Variants in ZNF385D observed in about 807,000 individuals in gnomAD.
The protein encoded by ZNF385D is zinc finger protein 385D.
Under a neutral mutation model 35.8 loss-of-function variants are expected in ZNF385D, and 15 were observed. That is an observed-to-expected ratio of 0.42 (90% CI 0.28 to 0.64). The LOEUF (loss-of-function observed/expected upper bound fraction) is 0.64. Ranked by LOEUF, ZNF385D falls within the 30% of genes least tolerant of loss-of-function variation. ZNF385D has a pLI of 0.23. For missense variants in ZNF385D, 474 were observed against 494.6 expected (o/e 0.96, Z 0.39); for synonymous variants, 212 against 186.8 (o/e 1.13, Z -1.10).
chr3:21,843,011 C>T (rs1375127727), intron 3 of ZNF385D, among the ~76,000 whole-genome samples: 1 of 151,908 alleles, frequency 6.6e-6, no homozygotes, highest in Admixed American at 6.6e-5. Context: ...AAAGCTTGGT[C>T]CTTATTTGAA....
At chr3:21,693,278 G>A (rs913605403) in intron 1 of ZNF385D, among the ~76,000 whole-genome samples, 11 of 152,292 alleles carry the variant, frequency 7.2e-5, no homozygotes, top group African/African-American at 2.4e-4. Context: ...CTGTGTCTGA[G>A]TGGAAGCTTC....
chr3:22,331,015 T>A (rs1201603515), intron 2 of ZNF385D, among the ~76,000 whole-genome samples: 3 of 152,222 alleles, frequency 2.0e-5, no homozygotes, highest in Non-Finnish European at 4.4e-5. Flanking sequence ...ATCAGGTATA[T>A]GTGTGTACAT....
At chr3:22,090,502 C>G (rs911592441) in intron 3 of ZNF385D, among the ~76,000 whole-genome samples, 1 of 150,672 alleles carries the variant, frequency 6.6e-6, no homozygotes, top group Non-Finnish European at 1.5e-5. Context: ...TGAGCTCTTA[C>G]AGAGAAAAAA....
chr3:22,350,678 ATTTC>A (rs1695874313), intron 2 of ZNF385D, among the ~76,000 whole-genome samples: 2 of 151,644 alleles, frequency 1.3e-5, no homozygotes, highest in Admixed American at 6.6e-5. Flanking sequence ...AAGATAATGT[ATTTC>A]TTTTTTTTGT....
At chr3:21,651,375 C>G (rs1042684513) in intron 2 of ZNF385D, among the ~76,000 whole-genome samples, 3 of 149,452 alleles carry the variant, frequency 2.0e-5, no homozygotes, top group African/African-American at 7.4e-5. Context: ...TGTTCTGACT[C>G]AGGTTATTTT....
At chr3:21,891,481 C>T (rs879878430) in intron 3 of ZNF385D, among the ~76,000 whole-genome samples, 3 of 152,122 alleles carry the variant, frequency 2.0e-5, no homozygotes, top group Non-Finnish European at 4.4e-5. Context: ...TGTCACACAC[C>T]TCATTATATG....
At chr3:21,468,122 G>T (rs1703633656) in intron 4 of ZNF385D, among the ~76,000 whole-genome samples, 1 of 151,928 alleles carries the variant, frequency 6.6e-6, no homozygotes, top group African/African-American at 2.4e-5. Context: ...GTAGTATATG[G>T]AGCCAGGTGT....
chr3:21,888,215 G>T (rs913197507), intron 3 of ZNF385D, among the ~76,000 whole-genome samples: 1 of 152,078 alleles, frequency 6.6e-6, no homozygotes, highest in African/African-American at 2.4e-5. Flanking sequence ...TCATTAGGTG[G>T]TTAAATAACT....
chr3:22,072,802 G>A (rs1463731156), intron 3 of ZNF385D, among the ~76,000 whole-genome samples: 1 of 151,880 alleles, frequency 6.6e-6, no homozygotes, highest in African/African-American at 2.4e-5. Flanking sequence ...GAAGAAATAA[G>A]GAAACAGAAC....
chr3:21,787,944 CAAAAAAAAAAAAAAAAAAAAAAAAA>C (rs560982379), intron 3 of ZNF385D, among the ~76,000 whole-genome samples: 1 of 75,388 alleles, frequency 1.3e-5, no homozygotes, highest in South Asian at 5.8e-4. Context: ...TTCGTCTCAA[CAAAAAAAAAAAAAAAAAAAAAAAAA>C]AAAAAAAAAA....
chr3:21,456,280 C>T (rs56104209), intron 4 of ZNF385D, among the ~76,000 whole-genome samples: 42,150 of 152,008 alleles, frequency 0.28, 6,479 homozygotes, highest in East Asian at 0.43. Flanking sequence ...TAAAGACACA[C>T]GCACATGTAT....
chr3:21,463,038 A>T (rs1192490877), intron 4 of ZNF385D, among the ~76,000 whole-genome samples: 1 of 152,176 alleles, frequency 6.6e-6, no homozygotes, highest in African/African-American at 2.4e-5. Flanking sequence ...ATACCAAAAA[A>T]AATAAAAACT....
chr3:22,136,302 C>A (rs960974524), intron 3 of ZNF385D, among the ~76,000 whole-genome samples: 1 of 152,180 alleles, frequency 6.6e-6, no homozygotes, highest in Admixed American at 6.5e-5. Context: ...GTACGAGAAT[C>A]GCTTGAACCT....
chr3:22,327,170 C>G (rs745897498), intron 2 of ZNF385D, among the ~76,000 whole-genome samples: 4 of 151,882 alleles, frequency 2.6e-5, no homozygotes, highest in Non-Finnish European at 5.9e-5. Context: ...ACCACCCTTA[C>G]TAATTTGCAA....
chr3:22,355,147 G>A (rs147785806), intron 2 of ZNF385D, among the ~76,000 whole-genome samples: 5 of 152,108 alleles, frequency 3.3e-5, no homozygotes, highest in Non-Finnish European at 7.4e-5. Flanking sequence ...TTGTTGGAAT[G>A]CATTTTCGTT....
At chr3:22,178,134 C>G (rs535417640) in intron 2 of ZNF385D, among the ~76,000 whole-genome samples, 121 of 152,192 alleles carry the variant, frequency 8.0e-4, no homozygotes, top group East Asian at 1.9e-3. Context: ...GGTATTTCTA[C>G]TTCTAGATCC....
rs554599647 is a variant in ZNF385D, at chr3:22,008,578, G to T, written c.325+160239C>A. ...TCACCGTGTTAGCCAGCATGGTCTCGATCTCCTGACCTCGTGATCCGCCCA... is the reference window on the plus strand; with the variant it reads ...TCACCGTGTTAGCCAGCATGGTCTCTATCTCCTGACCTCGTGATCCGCCCA... On this transcript the variant is annotated intron_variant, in intron 3 of 5. Transcript: ENST00000494108. 1.9e-3 allele frequency among the ~76,000 whole-genome samples: 293 copies of T among 152,120 alleles called. 1 individual carries two copies. The highest frequency in any genetic ancestry group is 6.8e-3 in the African/African-American group (281 of 41,516).
chr3:21,477,734 T>C (rs1024309789), intron 4 of ZNF385D, among the ~76,000 whole-genome samples: 4 of 152,190 alleles, frequency 2.6e-5, no homozygotes, highest in African/African-American at 7.2e-5. Context: ...TGGCTTCTTC[T>C]AGCAGTGTTG....
intron 4 of ZNF385D, among the ~76,000 whole-genome samples, chr3:21,452,549 A>C (rs1182836456): frequency 6.6e-6 from 1 of 152,004 alleles, no homozygotes; most frequent in Non-Finnish European, 1.5e-5. Flanking sequence ...AGAACCCCCA[A>C]AACTAATTTC....
Sources: gnomAD v4.1 joint callset for allele counts (sites outside exome capture counted in the v4.1 genomes callset) on GRCh38, gnomAD v4.1.1 for gene constraint, MANE v1.5 for transcripts, NCBI Gene and HGNC (gene_info 2026-07-23, HGNC 2026-07-21) for gene names.